Variants in UPF1 observed in about 807,000 individuals in gnomAD.
UPF1 encodes UPF1 RNA helicase and ATPase.
UPF1 carries 9 observed loss-of-function variants against 129.2 expected under a neutral mutation model. The observed-to-expected ratio is 0.07, with a 90% CI of 0.04 to 0.12. The LOEUF (loss-of-function observed/expected upper bound fraction) is 0.12, where lower values mean the gene tolerates loss of function less well. Ranked by LOEUF, UPF1 falls within the 10% of genes least tolerant of loss-of-function variation. The pLI, the probability that UPF1 is intolerant of heterozygous loss-of-function variation, is 1.00. For missense variants in UPF1, 788 were observed against 1,525.3 expected, an observed-to-expected ratio of 0.52 and a Z score of 8.05; for synonymous variants, 649 against 644.9, an observed-to-expected ratio of 1.01 and a Z score of -0.10.
chr19:18,866,046 C>T lies in UPF1; in HGVS notation c.3240C>T (p.Asp1080=), dbSNP rs757296130. The T allele has an allele frequency of 5.6e-6, 9 of 1,613,492 alleles. No individual in the cohort carries two copies. In the Admixed American group the frequency reaches 1.2e-4, roughly 21 times the overall value. Residue 1080 remains aspartate (D), a splice_region_variant and synonymous_variant, in exon 23 of 24, where the codon GAC becomes GAT. Coordinates refer to ENST00000262803, the MANE Select transcript of UPF1 (RefSeq NM_002911.4). ...PGLSQPELSQ[D]SYLGDEFKSQ... ...TACCTCCTGACCTTGTCTTTCAGGA[C>T]AGTTACCTTGGTGACGAGTTTAAAT...
At chr19:18,857,100 T>C (rs1001519452) in intron 14 of UPF1, 80 bp downstream of exon 14, 2 of 1,552,646 alleles carry the variant, frequency 1.3e-6, no homozygotes, top group Non-Finnish European at 1.7e-6. Flanking sequence ...CACCTTGTAT[T>C]GACGTAGGAT....
chr19:18,832,112 A>C lies in UPF1; in HGVS notation c.-98A>C. ...GGTCCTTTCCGGGCGCGCGGGGGCG[A>C]CAGCGGCAGCGACCCGAGGCCTGCG... On this transcript the variant is annotated 5_prime_UTR_variant, in exon 1 of 24. Coordinates refer to ENST00000262803, the MANE Select transcript of UPF1 (RefSeq NM_002911.4). The surrounding 1 kb of genome is among the most constrained non-coding windows in gnomAD (Gnocchi z 5.6). 8.6e-7 allele frequency: 1 copy of C among 1,158,638 alleles called. No individual in the cohort carries two copies. Among genetic ancestry groups the C allele is most frequent in the Non-Finnish European group, 1.1e-6 (1 of 892,298 alleles). The allele number at this position is 1,158,638 out of a possible 1,614,324, so 71.8% of individuals were successfully genotyped here. A position where few individuals can be genotyped will look rare whatever the true frequency, so the allele number is the denominator to read the frequency against.
In UPF1 at chr19:18,867,876, G is replaced by A. The variant is rs2055874352; in HGVS notation, c.*1359G>A. 6.6e-6 allele frequency: 1 copy of A among 152,404 alleles called. No individual in the cohort carries two copies. Among genetic ancestry groups the A allele is most frequent in the East Asian group, 1.9e-4 (1 of 5,182 alleles). The allele number at this position is 152,404 out of a possible 1,614,324, so 9.4% of individuals were successfully genotyped here. On this transcript the variant is annotated 3_prime_UTR_variant, in exon 24 of 24. Transcript: ENST00000262803. ...CCTGATCCGAACACCTCCAGATTCC[G>A]GCTTCTACATGGGACAGACGGGGAC...
intron 16 of UPF1, among the ~76,000 whole-genome samples, 177 bp from the exon 17 acceptor site, chr19:18,860,649 A>G (rs867203442): frequency 6.6e-6 from 1 of 152,212 alleles, no homozygotes; most frequent in Non-Finnish European, 1.5e-5. Flanking sequence ...CCCACATGGC[A>G]GCCGTTTCTG....
rs778952104 is a variant in UPF1 at position 18,856,063 on chromosome 19, G to T, written c.1683G>T (p.Leu561=). 6.2e-7 allele frequency: 1 copy of T among 1,614,044 alleles called. No individual in the cohort carries two copies. Among genetic ancestry groups the T allele is most frequent in the Admixed American group, 1.7e-5 (1 of 60,030 alleles). Residue 561 remains leucine, a synonymous_variant, in exon 12 of 24, where the codon CTG becomes CTT. Transcript: ENST00000262803. Reference sequence around the variant, plus strand: ...ACTCCCCGGTGTCTTTTCTGGCCCTGCACAACCAGATCAGGAACATGGACA... The same window carrying T: ...ACTCCCCGGTGTCTTTTCTGGCCCTTCACAACCAGATCAGGAACATGGACA... ...AIDSPVSFLA[L]HNQIRNMDSM... is the part of the protein sequence containing the mutation.
chr19:18,841,304 G>T (rs1568270381), intron 1 of UPF1, among the ~76,000 whole-genome samples: 1 of 151,908 alleles, frequency 6.6e-6, no homozygotes, highest in Admixed American at 6.6e-5. Context: ...TTTCACCTTT[G>T]TGTCTGAGGT....
chr19:18,836,678 C>T (rs2055486581), intron 1 of UPF1, among the ~76,000 whole-genome samples: 1 of 151,468 alleles, frequency 6.6e-6, no homozygotes, highest in South Asian at 2.1e-4. Flanking sequence ...TAAACATTTG[C>T]AGCTTATGGT....
chr19:18,839,033 C>T (rs544500173), intron 1 of UPF1, among the ~76,000 whole-genome samples: 1 of 152,242 alleles, frequency 6.6e-6, no homozygotes, highest in East Asian at 1.9e-4. Context: ...AGCTTACCAC[C>T]ATCAGCTACC....
rs1314415964 is a variant in UPF1 at position 18,862,281 on chromosome 19, T to C, written c.2600+129T>C. On this transcript the variant is annotated intron_variant, in intron 18 of 23. Coordinates refer to ENST00000262803, the MANE Select transcript of UPF1 (RefSeq NM_002911.4). ...ACTCTGAGCAGCAGTTGAGAAACGA[T>C]GTCTCACTGGAGAGATCTTTGTTTC... 4.3e-6 allele frequency: 6 copies of C among 1,405,386 alleles called. No individual in the cohort carries two copies. In the Admixed American group the frequency reaches 6.8e-5, roughly 16 times the overall value. The allele number at this position is 1,405,386 out of a possible 1,614,324, so 87.1% of individuals were successfully genotyped here.
At chr19:18,839,092 A>T (rs1249221212) in intron 1 of UPF1, among the ~76,000 whole-genome samples, 1 of 151,474 alleles carries the variant, frequency 6.6e-6, no homozygotes, top group Non-Finnish European at 1.5e-5. Context: ...CTACCAGGGA[A>T]CCCCCTTCTT....
chr19:18,855,621 AC>A, intron 11 of UPF1: 1 of 499,514 alleles, frequency 2.0e-6, no homozygotes, highest in South Asian at 2.4e-5. Context: ...TCGTGTCATT[AC>A]TGCCTGTTAA....
rs1344052550 is a variant in UPF1, at chr19:18,853,769, C to T, written c.1156+419C>T. 1.3e-5 allele frequency among the ~76,000 whole-genome samples: 2 copies of T among 152,338 alleles called. No homozygotes were observed. The highest frequency in any genetic ancestry group is 3.9e-4 in the East Asian group (2 of 5,190). On this transcript the variant is annotated intron_variant, in intron 8 of 23. Coordinates refer to ENST00000262803, the MANE Select transcript of UPF1 (RefSeq NM_002911.4). The surrounding 1 kb of genome is among the most constrained non-coding windows in gnomAD (Gnocchi z 4.4). ...CAGACCCTCTGAGCACACACTTGCT[C>T]CCAGGCCATGTTTGGGAATGTGCAG... is the stretch of plus-strand genomic sequence containing the variant.
At chr19:18,854,575 G>A (rs200891310) in intron 8 of UPF1, 26 bp from the exon 9 acceptor site, 198 of 1,581,596 alleles carry the variant, frequency 1.3e-4, no homozygotes, top group Non-Finnish European at 1.5e-4. Flanking sequence ...CTTTTGACAA[G>A]GATGCAAACT....
chr19:18,846,426 A>G (rs2055600378), intron 2 of UPF1, among the ~76,000 whole-genome samples: 1 of 151,864 alleles, frequency 6.6e-6, no homozygotes, highest in African/African-American at 2.4e-5. Context: ...CATAGAAAGA[A>G]TTTGTCATGG....
At chr19:18,863,325 C>T (rs762824197) in intron 18 of UPF1, 113 bp from the exon 19 acceptor site, 93 of 1,404,008 alleles carry the variant, frequency 6.6e-5, no homozygotes, top group Non-Finnish European at 8.3e-5. Flanking sequence ...GCCCGGTCCA[C>T]GCCTCTGTTG....
Position 18,856,003 on chromosome 19 carries a change from C to T in UPF1, c.1623C>T (p.Val541=), listed in dbSNP as rs140049775. 1,094 of 1,613,994 alleles carry T rather than the reference C, an allele frequency of 6.8e-4. No homozygotes were observed. Among genetic ancestry groups the T allele is most frequent in the Non-Finnish European group, 8.4e-4 (990 of 1,180,034 alleles). Residue 541 remains valine (V), a synonymous_variant, in exon 12 of 24, where the codon GTC becomes GTT. Coordinates refer to ENST00000262803, the MANE Select transcript of UPF1 (RefSeq NM_002911.4). ...AGATCCACCAGACGGGGCTAAAGGT[C>T]GTGCGCCTCTGCGCCAAGAGCCGTG... ...TEKIHQTGLK[V]VRLCAKSREA... is the part of the protein sequence containing the mutation.
intron 18 of UPF1, chr19:18,863,188 G>T (rs796240556): frequency 1.1e-4 from 50 of 449,494 alleles, no homozygotes; most frequent in African/African-American, 8.7e-4. Context: ...CTCTCCAAAC[G>T]TATCCACCCA....
chr19:18,854,675 G>A lies in UPF1; in HGVS notation c.1231G>A (p.Val411Met). 1 of 1,614,076 alleles carries A rather than the reference G, an allele frequency of 6.2e-7. No homozygotes were observed. The highest frequency in any genetic ancestry group is 8.5e-7 in the Non-Finnish European group (1 of 1,180,016). Residue 411 changes from valine to methionine, a missense_variant, in exon 9 of 24, where the codon GTG (valine) becomes ATG (methionine). Around this residue, in one of 6 missense-constraint regions of UPF1, gnomAD observed 227 missense variants for 517.9 expected, o/e 0.44. Coordinates refer to ENST00000262803, the MANE Select transcript of UPF1 (RefSeq NM_002911.4). ...TGTGGAGGTGACTCACAACTTCCAGGTGGATTTTGTGTGGAAGTCGACCTC... is the reference window on the plus strand; with the variant it reads ...TGTGGAGGTGACTCACAACTTCCAGATGGATTTTGTGTGGAAGTCGACCTC... ...APVEVTHNFQ[V>M]DFVWKSTSFD...
intron 1 of UPF1, among the ~76,000 whole-genome samples, chr19:18,843,044 T>G (rs2145940057): frequency 6.6e-6 from 1 of 152,170 alleles, no homozygotes; most frequent in Admixed American, 6.5e-5. Context: ...CAGGCTATTC[T>G]CAAACCCTGG....
Sources: gnomAD v4.1 joint callset for allele counts (sites outside exome capture counted in the v4.1 genomes callset) on GRCh38, gnomAD v4.1.1 for gene constraint, gnomAD v4.1.1 regional missense constraint, Gnocchi (gnomAD v3.1) non-coding constraint, MANE v1.5 for transcripts, NCBI Gene and HGNC (gene_info 2026-07-23, HGNC 2026-07-21) for gene names.